The following ADGRG2 variants were observed in gnomAD, a reference collection of about 807,000 sequenced individuals.
ADGRG2 encodes the protein adhesion G protein-coupled receptor G2.
In ADGRG2, 26 loss-of-function variants were observed where a neutral mutation model predicts 74.1. The ratio of observed to expected loss-of-function variants is 0.35; its 90% CI spans 0.26 to 0.49. The LOEUF is 0.49. Among genes scored for constraint, ADGRG2 ranks in the 20% least tolerant of loss-of-function variants. The probability of loss-of-function intolerance (pLI) is 0.99; values close to 1 mark genes in which losing one functional copy is unlikely to be tolerated. For synonymous variants in ADGRG2, 296 were observed against 295.2 expected, an observed-to-expected ratio of 1.00 and a Z score of -0.03; for missense variants, 619 against 763.1, an observed-to-expected ratio of 0.81 and a Z score of 2.22.
chrX:19,000,804 C>T (rs2060116292), intron 24 of ADGRG2, among the ~76,000 whole-genome samples: 1 of 99,263 alleles, frequency 1.0e-5, no homozygotes, highest in Non-Finnish European at 2.0e-5. Context: ...TCTCGGCTCA[C>T]TGCAACCTCC....
chrX:18,999,560 A>G (rs2060085993), intron 25 of ADGRG2, among the ~76,000 whole-genome samples: 1 of 111,892 alleles, frequency 8.9e-6, no homozygotes. Flanking sequence ...ACTCTGTTCT[A>G]TGAGTCTTTA....
At chrX:19,083,095 C>G (rs1247778273) in intron 1 of ADGRG2, among the ~76,000 whole-genome samples, 1 of 111,246 alleles carries the variant, frequency 9.0e-6, no homozygotes. Context: ...CCTCTACCTC[C>G]CAGGTTCAAG....
chrX:19,078,202 G>T (rs2061784281), intron 2 of ADGRG2, among the ~76,000 whole-genome samples: 2 of 112,123 alleles, frequency 1.8e-5, no homozygotes, highest in South Asian at 7.3e-4. Context: ...ATAACAAAAA[G>T]TTAGATGTGT....
At chrX:19,112,775 T>C (rs866272017) in intron 1 of ADGRG2, among the ~76,000 whole-genome samples, 87 of 107,882 alleles carry the variant, frequency 8.1e-4, no homozygotes, top group African/African-American at 2.8e-3. Flanking sequence ...CTGGCCAACA[T>C]GGTAAAACCC....
chrX:19,073,697 T>C (rs2061689030), intron 2 of ADGRG2, among the ~76,000 whole-genome samples: 1 of 111,813 alleles, frequency 8.9e-6, no homozygotes, highest in Non-Finnish European at 1.9e-5. Context: ...AAGGGAGAAA[T>C]AGCTTGATAC....
At chrX:19,107,300 G>A (rs1198920153) in intron 1 of ADGRG2, among the ~76,000 whole-genome samples, 1 of 112,256 alleles carries the variant, frequency 8.9e-6, no homozygotes, top group Non-Finnish European at 1.9e-5. Context: ...TCTGCTAATC[G>A]TTTTCCCTGC....
Position 19,006,027 on chromosome X carries a change from T to C in ADGRG2, c.1814A>G (p.His605Arg). The C allele has an allele frequency of 8.3e-7, 1 of 1,205,379 alleles. No individual in the cohort carries two copies. The highest frequency in any genetic ancestry group is 1.1e-6 in the Non-Finnish European group (1 of 889,828). ...RLNETICTCS[H>R]LTSFGVLLDL... ...CAGCAGAACGCCGAAGCTTGTTAGA[T>C]GGCTACAGGTACAGATGGTTTCATT... The change falls in exon 22 of 29, where the codon CAT becomes CGT. Residue 605 changes from histidine (H) to arginine (R), a missense_variant. By Grantham distance (29) the His-to-Arg change is conservative. Coordinates refer to ENST00000379869, the MANE Select transcript of ADGRG2 (RefSeq NM_001079858.3).
rs771802876 is a variant in ADGRG2, at chrX:19,024,651, C to T, written c.471-703G>A. On this transcript the variant is annotated intron_variant, in intron 11 of 28. Coordinates refer to ENST00000379869, the MANE Select transcript of ADGRG2 (RefSeq NM_001079858.3). ...GCTACTGGCATCTGGTAGAGAGAGG[C>T]CAGGGATGCTGTTAAACACCTTACA... 3.6e-5 allele frequency among the ~76,000 whole-genome samples: 4 copies of T among 112,130 alleles called. No individual in the cohort carries two copies. In the East Asian group the frequency reaches 8.5e-4, roughly 24 times the overall value.
intron 8 of ADGRG2, chrX:19,033,018 AG>A (rs2060860194): frequency 8.9e-6 from 1 of 112,045 alleles, no homozygotes; most frequent in Non-Finnish European, 1.9e-5. Context: ...TGAGCCCAGG[AG>A]TTTGAGACCA....
chrX:19,049,251 C>G (rs1349182432), intron 3 of ADGRG2, among the ~76,000 whole-genome samples: 1 of 111,680 alleles, frequency 9.0e-6, no homozygotes, highest in Non-Finnish European at 1.9e-5. Flanking sequence ...GCAACACTTT[C>G]TGCCTCTGCC....
chrX:19,040,324 G>C, intron 3 of ADGRG2, 100 bp from the exon 4 acceptor site: 1 of 523,480 alleles, frequency 1.9e-6, no homozygotes, highest in Non-Finnish European at 3.2e-6. Flanking sequence ...GTAGGTTTCA[G>C]CTACTCATGT....
intron 3 of ADGRG2, among the ~76,000 whole-genome samples, chrX:19,051,012 C>A (rs1046123063): frequency 8.9e-6 from 1 of 111,836 alleles, no homozygotes; most frequent in Non-Finnish European, 1.9e-5. Context: ...GAGACTGCTG[C>A]GTGGTGATAC....
At chrX:19,006,308 T>TA (rs368756788) in intron 20 of ADGRG2, 43 bp from the exon 21 acceptor site, 9,220 of 663,750 alleles carry the variant, frequency 0.014, 1 homozygote, top group Non-Finnish European at 0.017. Context: ...TTTACTGAAC[T>TA]AAAAAAAAAA....
chrX:19,006,153 C>T (rs2060226548), intron 21 of ADGRG2, 48 bp from the exon 22 acceptor site: 1 of 1,100,515 alleles, frequency 9.1e-7, no homozygotes, highest in Admixed American at 2.2e-5. Flanking sequence ...GGCCACAGCA[C>T]CAGTGACTTC....
At chrX:19,083,858 G>A (rs2061894616) in intron 1 of ADGRG2, among the ~76,000 whole-genome samples, 1 of 112,180 alleles carries the variant, frequency 8.9e-6, no homozygotes, top group African/African-American at 3.2e-5. Flanking sequence ...GAAGATCTGT[G>A]ATAAGAAACG....
At chrX:19,032,841 C>T (rs1463666672) in intron 8 of ADGRG2, 2 of 111,987 alleles carry the variant, frequency 1.8e-5, no homozygotes, top group Non-Finnish European at 3.8e-5. Context: ...GATAGTTTGC[C>T]AACCGCTACT....
intron 1 of ADGRG2, among the ~76,000 whole-genome samples, chrX:19,097,853 C>A (rs2147021020): frequency 8.9e-6 from 1 of 112,854 alleles, no homozygotes; most frequent in Admixed American, 9.4e-5. Context: ...ACACACACAA[C>A]TGTGCCCTTT....
At chrX:19,041,170 T>C (rs1467928194) in intron 3 of ADGRG2, among the ~76,000 whole-genome samples, 2 of 112,065 alleles carry the variant, frequency 1.8e-5, no homozygotes, top group African/African-American at 6.5e-5. Context: ...TGAATAGCAC[T>C]TCAATTGTTG....
rs2060194536 is a variant in ADGRG2 at position 19,004,665 on chromosome X, A to G, written c.1961+93T>C. ...GCTCCACTAGCTGGGTGTACAGGGT[A>G]AGGCAGGCCGAGGAAAGGGCTTAGT... On this transcript the variant is annotated intron_variant, in intron 23 of 28. Transcript: ENST00000379869. 7.9e-6 allele frequency: 7 copies of G among 890,096 alleles called. No individual in the cohort carries two copies. The East Asian group carries it at 1.9e-4, about 24-fold the overall frequency. 73.4% of individuals were successfully genotyped at this position (890,096 alleles called of 1,213,427 possible).
Sources: allele counts gnomAD v4.1 joint callset (sites outside exome capture counted in the v4.1 genomes callset), GRCh38; gene constraint gnomAD v4.1.1; transcripts MANE v1.5; gene names NCBI Gene and HGNC (gene_info 2026-07-23, HGNC 2026-07-21).